PDE8B: variants seen among roughly 807,000 people sequenced by gnomAD.
The protein encoded by PDE8B is high affinity cAMP-specific and IBMX-insensitive 3',5'-cyclic phosphodiesterase 8B.
In PDE8B, 26 loss-of-function variants were observed where a neutral mutation model predicts 101.3. The ratio of observed to expected loss-of-function variants is 0.26; its 90% CI spans 0.19 to 0.36. The LOEUF (loss-of-function observed/expected upper bound fraction) is 0.36. Among genes scored for constraint, PDE8B ranks in the 10% least tolerant of loss-of-function variants. The probability of loss-of-function intolerance (pLI) is 1.00; values close to 1 mark genes in which losing one functional copy is unlikely to be tolerated. For synonymous variants in PDE8B, 424 were observed against 429.3 expected, an observed-to-expected ratio of 0.99 and a Z score of 0.15; for missense variants, 810 against 1,163.1, an observed-to-expected ratio of 0.70 and a Z score of 4.42.
At chr5:77,316,285 G>A (rs1220285170) in intron 2 of PDE8B, among the ~76,000 whole-genome samples, 2 of 152,176 alleles carry the variant, frequency 1.3e-5, no homozygotes, top group African/African-American at 4.8e-5. Flanking sequence ...CCAGGCTGGA[G>A]TGCAGTGGCA....
At chr5:77,292,200 G>A (rs1321788630) in intron 1 of PDE8B, among the ~76,000 whole-genome samples, 2 of 152,146 alleles carry the variant, frequency 1.3e-5, no homozygotes, top group South Asian at 4.2e-4. Flanking sequence ...AGTGTTTGGT[G>A]CTGGGGTGCA....
Position 77,419,162 on chromosome 5 carries a change from C to G in PDE8B, c.2130-605C>G, listed in dbSNP as rs145696395. Reference sequence around the variant, plus strand: ...TCGAGGATGGGTTTTTAAACTTTTGCAGAAAAAATTCTTTCCAGTAGCCAA... The same window carrying G: ...TCGAGGATGGGTTTTTAAACTTTTGGAGAAAAAATTCTTTCCAGTAGCCAA... On this transcript the variant is annotated intron_variant, in intron 18 of 21. Transcript: ENST00000264917. Among the ~76,000 whole-genome samples, 14 of 152,236 alleles carry G rather than the reference C, an allele frequency of 9.2e-5. No individual in the cohort carries two copies. The East Asian group carries it at 2.5e-3, about 27-fold the overall frequency.
the PDE8B span, among the ~76,000 whole-genome samples, chr5:77,191,395 C>T: frequency 1.3e-5 from 2 of 151,838 alleles, no homozygotes; most frequent in Non-Finnish European, 2.9e-5. Context: ...CTCTGTTGCC[C>T]AGGCTGGAGT....
chr5:77,184,272 T>C, the PDE8B span, among the ~76,000 whole-genome samples: 415 of 152,372 alleles, frequency 2.7e-3, 1 homozygote, highest in African/African-American at 9.6e-3. Flanking sequence ...GCCAGATATA[T>C]ACTTTTAAAT....
intron 5 of PDE8B, among the ~76,000 whole-genome samples, chr5:77,334,778 A>G (rs1777810586): frequency 6.6e-6 from 1 of 152,238 alleles, no homozygotes; most frequent in Non-Finnish European, 1.5e-5. Flanking sequence ...CAAACTCTAT[A>G]TTGGGTTCAC....
chr5:77,293,864 T>C (rs145809798), intron 1 of PDE8B, among the ~76,000 whole-genome samples: 1 of 152,312 alleles, frequency 6.6e-6, no homozygotes, highest in East Asian at 1.9e-4. Context: ...AGGTGTCTGT[T>C]CAGATCTTTT....
At chr5:77,161,259 T>C in the PDE8B span, among the ~76,000 whole-genome samples, 6 of 152,202 alleles carry the variant, frequency 3.9e-5, no homozygotes, top group Non-Finnish European at 8.8e-5. Context: ...GGTTACTTTT[T>C]TCCTATTCTT....
chr5:77,385,565 A>G (rs894240600), intron 10 of PDE8B, among the ~76,000 whole-genome samples: 8 of 151,330 alleles, frequency 5.3e-5, no homozygotes, highest in Admixed American at 1.3e-4. Flanking sequence ...TTGTGATGTT[A>G]GGGTGTCTAT....
chr5:77,261,855 T>C (rs1035754044), intron 1 of PDE8B, among the ~76,000 whole-genome samples: 1 of 152,202 alleles, frequency 6.6e-6, no homozygotes, highest in Non-Finnish European at 1.5e-5. Context: ...GGATTTTCCA[T>C]GTGTGGATTC....
In PDE8B at chr5:77,421,919, C is replaced by T. The variant is rs762691129; in HGVS notation, c.2349C>T (p.Ala783=). 1 of 1,614,102 alleles carries T rather than the reference C, an allele frequency of 6.2e-7. No individual in the cohort carries two copies. The highest frequency in any genetic ancestry group is 1.1e-5 in the South Asian group (1 of 91,058). ...TGATGATTAAGTGTGCTGACGTGGC[C>T]AACCCATGCCGCCCCTTGGACCTGT... ...KRMMIKCADV[A]NPCRPLDLCI... The change falls in exon 20 of 22, where the codon GCC becomes GCT. Residue 783 remains alanine, a synonymous_variant. Transcript: ENST00000264917.
chr5:77,121,117 C>T, the PDE8B span, among the ~76,000 whole-genome samples: 1 of 152,234 alleles, frequency 6.6e-6, no homozygotes, highest in Non-Finnish European at 1.5e-5. Context: ...CTCCACAATT[C>T]CTGTGGGTCA....
rs71594634 is a variant in PDE8B, at chr5:77,423,632, GTTTTTTTTTTTT to G, written c.2418+1660_2418+1671del. Among the ~76,000 whole-genome samples, 23 of 74,046 alleles carry G rather than the reference GTTTTTTTTTTTT, an allele frequency of 3.1e-4. No individual in the cohort carries two copies. The South Asian group carries it at 9.1e-3, about 29-fold the overall frequency. 48.6% of individuals were successfully genotyped at this position (74,046 alleles called of 152,430 possible). On this transcript the variant is annotated intron_variant, in intron 20 of 21. Transcript: ENST00000264917. ...TGATGCTGGACTTTTGTTTTGTTTA[GTTTTTTTTTTTT>G]TTTTTTTTTTTTTTTGAGACAGTCT...
At chr5:77,234,130 C>T (rs558886770) in intron 1 of PDE8B, among the ~76,000 whole-genome samples, 33 of 152,218 alleles carry the variant, frequency 2.2e-4, no homozygotes, top group South Asian at 8.3e-4. Context: ...TGGTGATGTC[C>T]CTGCATTTCT....
At chr5:77,335,282 G>A (rs1464126137) in intron 5 of PDE8B, among the ~76,000 whole-genome samples, 2 of 152,112 alleles carry the variant, frequency 1.3e-5, no homozygotes, top group Non-Finnish European at 2.9e-5. Context: ...ACAACTCCCT[G>A]AGTTCTGTTA....
At chr5:77,279,774 C>G (rs1764597178) in intron 1 of PDE8B, among the ~76,000 whole-genome samples, 1 of 152,196 alleles carries the variant, frequency 6.6e-6, no homozygotes. Flanking sequence ...ACCTCCTGTA[C>G]CACCTGTGCT....
intron 1 of PDE8B, among the ~76,000 whole-genome samples, chr5:77,232,255 T>C (rs2149491072): frequency 6.6e-6 from 1 of 152,380 alleles, no homozygotes; most frequent in Middle Eastern, 3.4e-3. Flanking sequence ...GGTTGTAAAC[T>C]TTGTTATGAA....
At chr5:77,424,895 C>T (rs1439128357) in intron 20 of PDE8B, among the ~76,000 whole-genome samples, 7 of 151,194 alleles carry the variant, frequency 4.6e-5, no homozygotes, top group Non-Finnish European at 8.8e-5. Flanking sequence ...GCAGTCCTGG[C>T]TCAATGCAGA....
intron 4 of PDE8B, 34 bp from the exon 5 acceptor site, chr5:77,331,368 C>G (rs563058135): frequency 6.3e-7 from 1 of 1,594,250 alleles, no homozygotes; most frequent in Admixed American, 1.7e-5. Flanking sequence ...TGGTTTGTAT[C>G]TGCTGAGTGA....
chr5:77,424,908 C>G (rs1797672029), intron 20 of PDE8B, among the ~76,000 whole-genome samples: 2 of 151,780 alleles, frequency 1.3e-5, no homozygotes, highest in African/African-American at 4.8e-5. Context: ...AATGCAGACT[C>G]AAAACTCCAG....
Sources: gnomAD v4.1 joint callset for allele counts (sites outside exome capture counted in the v4.1 genomes callset) on GRCh38, gnomAD v4.1.1 for gene constraint, MANE v1.5 for transcripts, NCBI Gene and HGNC (gene_info 2026-07-23, HGNC 2026-07-21) for gene names.